Variants in CACNA1C observed in about 807,000 individuals in gnomAD.
The protein encoded by CACNA1C is voltage-dependent L-type calcium channel subunit alpha-1C.
In CACNA1C, 30 loss-of-function variants were observed where a neutral mutation model predicts 229.0. The observed-to-expected ratio is 0.13, with a 90% CI of 0.10 to 0.18. The LOEUF is 0.18. CACNA1C is among the 10% of genes least tolerant of loss of function. The pLI, the probability that CACNA1C is intolerant of heterozygous loss-of-function variation, is 1.00. For missense variants in CACNA1C, 1,658 were observed against 2,845.0 expected, an observed-to-expected ratio of 0.58 and a Z score of 9.49; for synonymous variants, 1,114 against 1,132.5, an observed-to-expected ratio of 0.98 and a Z score of 0.33.
intron 30 of CACNA1C, among the ~76,000 whole-genome samples, chr12:2,648,246 G>T (rs2094546433): frequency 6.6e-6 from 1 of 152,208 alleles, no homozygotes; most frequent in South Asian, 2.1e-4. Context: ...AAGGGCATAG[G>T]TAGGAGAATG....
chr12:2,390,902 G>C (rs1312910477), intron 3 of CACNA1C, among the ~76,000 whole-genome samples: 3 of 152,146 alleles, frequency 2.0e-5, no homozygotes, highest in African/African-American at 7.2e-5. Flanking sequence ...AGACACATCT[G>C]GTGAAGGTGT....
intron 1 of CACNA1C, among the ~76,000 whole-genome samples, chr12:2,059,862 A>G (rs571072251): frequency 7.0e-4 from 107 of 152,114 alleles, no homozygotes; most frequent in African/African-American, 2.4e-3. Flanking sequence ...CCCCTGAGAG[A>G]GCATTGTTAG....
intron 45 of CACNA1C, 95 bp downstream of exon 45, chr12:2,686,364 G>T: frequency 2.1e-6 from 2 of 969,056 alleles, no homozygotes; most frequent in Non-Finnish European, 3.4e-6. Context: ...AGTGGGTCTT[G>T]CCTGTCTCAG....
In CACNA1C at chr12:2,115,184, C is replaced by G. The variant is rs759176547; in HGVS notation, c.50-40C>G. Reference sequence around the variant, plus strand: ...AGAGTGTCGGAAGTGCCCCTGTTTTCTATCTAGTAACTGTTGTGTTCTTTT... The same window carrying G: ...AGAGTGTCGGAAGTGCCCCTGTTTTGTATCTAGTAACTGTTGTGTTCTTTT... On this transcript the variant is annotated intron_variant, in intron 1 of 46. Transcript: ENST00000399655. The G allele has an allele frequency of 6.3e-6, 9 of 1,424,858 alleles. No homozygotes were observed. The African/African-American group carries it at 1.1e-4, about 18-fold the overall frequency. The allele number at this position is 1,424,858 out of a possible 1,614,324, so 88.3% of individuals were successfully genotyped here. A position where few individuals can be genotyped will look rare whatever the true frequency, so the allele number is the denominator to read the frequency against.
intron 15 of CACNA1C, among the ~76,000 whole-genome samples, 180 bp from the exon 16 acceptor site, chr12:2,584,323 G>C (rs1370090097): frequency 6.6e-6 from 1 of 152,130 alleles, no homozygotes; most frequent in Non-Finnish European, 1.5e-5. Context: ...GTAGCTAGGA[G>C]GGTGATGGGG....
At chr12:2,260,165 G>A (rs2079522230) in intron 3 of CACNA1C, among the ~76,000 whole-genome samples, 2 of 152,104 alleles carry the variant, frequency 1.3e-5, no homozygotes, top group African/African-American at 4.8e-5. Flanking sequence ...TGACTTGGCT[G>A]ACACAATCTG....
In CACNA1C at chr12:2,446,344, A is replaced by ATATG. The variant is rs1190869005; in HGVS notation, c.478-2622_478-2619dup. Among the ~76,000 whole-genome samples, 5 of 135,436 alleles carry ATATG rather than the reference A, an allele frequency of 3.7e-5. No individual in the cohort carries two copies. In the South Asian group the frequency reaches 1.3e-3, roughly 35 times the overall value. The allele number at this position is 135,436 out of a possible 152,430, so 88.9% of individuals were successfully genotyped here. On this transcript the variant is annotated intron_variant, in intron 3 of 46. Transcript: ENST00000399655. ...GTGGTTGGATGGTGGGTGGGTATAT[A>ATATG]TATGTATGTATGTGTGTGGGTGGGT... is the stretch of plus-strand genomic sequence containing the variant.
At chr12:2,306,741 G>A (rs144354605) in intron 3 of CACNA1C, among the ~76,000 whole-genome samples, 1 of 152,306 alleles carries the variant, frequency 6.6e-6, no homozygotes, top group East Asian at 1.9e-4. Flanking sequence ...TTAAAGTCAC[G>A]CTAAACAAGT....
At position 2,360,905 on chromosome 12, in the gene CACNA1C, C is replaced by T. The variant is rs58401541; in HGVS notation, c.478-88071C>T. On this transcript the variant is annotated intron_variant, in intron 3 of 46. Coordinates refer to ENST00000399655, the MANE Select transcript of CACNA1C (RefSeq NM_000719.7). Reference sequence around the variant, plus strand: ...ATGAGGAAAAATATACGAATCCACTCGTCTCCAGCTAGCTCAGCTTGTGTG... The same window carrying T: ...ATGAGGAAAAATATACGAATCCACTTGTCTCCAGCTAGCTCAGCTTGTGTG... Among the ~76,000 whole-genome samples, 1,366 of 152,168 alleles carry T rather than the reference C, an allele frequency of 9.0e-3. 23 individuals are homozygous for T. The highest frequency in any genetic ancestry group is 0.032 in the African/African-American group (1,313 of 41,524).
intron 1 of CACNA1C, among the ~76,000 whole-genome samples, chr12:2,002,922 CA>C (rs1565890806): frequency 2.0e-5 from 3 of 151,812 alleles, no homozygotes; most frequent in Admixed American, 6.5e-5. Context: ...CAAAAACAAA[CA>C]AAAAAAGTAG....
At chr12:2,327,455 A>G (rs3819528) in intron 3 of CACNA1C, among the ~76,000 whole-genome samples, 22,470 of 152,154 alleles carry the variant, frequency 0.15, 2,300 homozygotes, top group African/African-American at 0.29. Flanking sequence ...AGCGTCAGGA[A>G]TTCTGGGCTT....
At chr12:2,338,604 C>T (rs2096771257) in intron 3 of CACNA1C, among the ~76,000 whole-genome samples, 1 of 151,486 alleles carries the variant, frequency 6.6e-6, no homozygotes, top group African/African-American at 2.4e-5. Flanking sequence ...TTCTTTTGCT[C>T]CCCAGAGACT....
At position 2,309,653 on chromosome 12, in the gene CACNA1C, CTA is replaced by C. The variant is rs1307479677; in HGVS notation, c.478-139320_478-139319del. Reference sequence around the variant, plus strand: ...CAATAAAGCTGGGTAAAACTGTAAACTATAGCTATATTTAAACTACAAAACTG... The same window carrying C: ...CAATAAAGCTGGGTAAAACTGTAAACTAGCTATATTTAAACTACAAAACTG... On this transcript the variant is annotated intron_variant, in intron 3 of 46. Transcript: ENST00000399655. 2.6e-5 allele frequency among the ~76,000 whole-genome samples: 4 copies of C among 152,216 alleles called. No homozygotes were observed. In the East Asian group the frequency reaches 7.7e-4, roughly 29 times the overall value.
At chr12:2,614,280 C>T (rs548017797) in intron 29 of CACNA1C, 1 of 152,326 alleles carries the variant, frequency 6.6e-6, no homozygotes, top group Admixed American at 6.5e-5. Flanking sequence ...AGACAGCCAT[C>T]CTGGGCCCAT....
At chr12:2,121,448 C>T (rs779234652) in intron 3 of CACNA1C, among the ~76,000 whole-genome samples, 36 of 152,292 alleles carry the variant, frequency 2.4e-4, no homozygotes, top group Non-Finnish European at 3.2e-4. Flanking sequence ...ATATGATGCA[C>T]GTTTTAACTT....
intron 9 of CACNA1C, among the ~76,000 whole-genome samples, chr12:2,523,751 C>T (rs951639044): frequency 6.6e-6 from 1 of 152,204 alleles, no homozygotes; most frequent in African/African-American, 2.4e-5. Context: ...TCGATCTATA[C>T]ACTTGGGCGT....
chr12:2,218,413 G>C (rs2060533595), intron 3 of CACNA1C, among the ~76,000 whole-genome samples: 1 of 152,196 alleles, frequency 6.6e-6, no homozygotes, highest in Non-Finnish European at 1.5e-5. Context: ...AGTTTGGATA[G>C]GGTGTGCTGG....
chr12:2,599,839 C>T (rs2070972936), intron 21 of CACNA1C, among the ~76,000 whole-genome samples: 1 of 152,196 alleles, frequency 6.6e-6, no homozygotes, highest in Admixed American at 6.5e-5. Context: ...GTCCATTTGC[C>T]CTTTCTTGTA....
In CACNA1C at chr12:2,363,856, G is replaced by T. The variant is rs192772951; in HGVS notation, c.478-85120G>T. ...TGGACCTGTCAGTGAAGCACAGTTT[G>T]GAAGGGAGAAGGCTGGGGATGTTCA... On this transcript the variant is annotated intron_variant, in intron 3 of 46. Coordinates refer to ENST00000399655, the MANE Select transcript of CACNA1C (RefSeq NM_000719.7). 2.9e-3 allele frequency among the ~76,000 whole-genome samples: 438 copies of T among 152,322 alleles called. 2 individuals are homozygous for T. Among genetic ancestry groups the T allele is most frequent in the Non-Finnish European group, 4.9e-3 (330 of 68,030 alleles).
Sources: gnomAD v4.1 joint callset for allele counts (sites outside exome capture counted in the v4.1 genomes callset) on GRCh38, gnomAD v4.1.1 for gene constraint, MANE v1.5 for transcripts, NCBI Gene and HGNC (gene_info 2026-07-23, HGNC 2026-07-21) for gene names.